Variants in LHFPL3 observed in about 807,000 individuals in gnomAD.
The protein encoded by LHFPL3 is LHFPL tetraspan subfamily member 3 protein.
LHFPL3 carries 5 observed loss-of-function variants against 19.3 expected under a neutral mutation model. The ratio of observed to expected loss-of-function variants is 0.26; its 90% CI spans 0.14 to 0.54. The LOEUF is 0.54. Ranked by LOEUF, LHFPL3 falls within the 20% of genes least tolerant of loss-of-function variation. The pLI, the probability that LHFPL3 is intolerant of heterozygous loss-of-function variation, is 0.94. For missense variants in LHFPL3, 249 were observed against 307.4 expected (o/e 0.81, Z 1.42); for synonymous variants, 133 against 126.2 (o/e 1.05, Z -0.36).
chr7:104,584,765 AAAC>A (rs1387664370), intron 1 of LHFPL3, among the ~76,000 whole-genome samples: 2 of 152,148 alleles, frequency 1.3e-5, no homozygotes, highest in Non-Finnish European at 2.9e-5. Flanking sequence ...ATAAGTCGTC[AAAC>A]TAAAAGAATC....
chr7:104,626,331 C>A (rs2115826960), intron 1 of LHFPL3, among the ~76,000 whole-genome samples: 1 of 152,278 alleles, frequency 6.6e-6, no homozygotes, highest in Non-Finnish European at 1.5e-5. Context: ...ATATCAGAGG[C>A]AGAAAGTTTA....
chr7:104,849,280 C>T (rs534776469), intron 2 of LHFPL3, among the ~76,000 whole-genome samples: 1 of 152,328 alleles, frequency 6.6e-6, no homozygotes, highest in South Asian at 2.1e-4. Context: ...GTTCTGAGAA[C>T]TACTAGAAGC....
rs138321262 is a variant in LHFPL3, at chr7:104,704,789, C to G, written c.446-31886C>G. 9.2e-5 allele frequency among the ~76,000 whole-genome samples: 14 copies of G among 152,246 alleles called. No homozygotes were observed. In the East Asian group the frequency reaches 2.5e-3, roughly 27 times the overall value. On this transcript the variant is annotated intron_variant, in intron 1 of 2. Transcript: ENST00000424859. ...TAGCTGGGACCACAAGCATGCACCACCATGCTCAGCTAATTTTTTAACTTT... is the reference window on the plus strand; with the variant it reads ...TAGCTGGGACCACAAGCATGCACCAGCATGCTCAGCTAATTTTTTAACTTT...
At chr7:104,600,688 G>A (rs1790946106) in intron 1 of LHFPL3, among the ~76,000 whole-genome samples, 1 of 152,320 alleles carries the variant, frequency 6.6e-6, no homozygotes, top group Middle Eastern at 3.4e-3. Flanking sequence ...TCGTGGCAAA[G>A]CCAAGGACAA....
chr7:104,846,622 C>T (rs1012281624), intron 2 of LHFPL3, among the ~76,000 whole-genome samples: 2 of 151,678 alleles, frequency 1.3e-5, no homozygotes, highest in African/African-American at 4.9e-5. Context: ...TGGATTAAAA[C>T]TTTATCCTCC....
intron 1 of LHFPL3, among the ~76,000 whole-genome samples, chr7:104,607,117 T>C (rs888617695): frequency 6.6e-6 from 1 of 152,202 alleles, no homozygotes; most frequent in Non-Finnish European, 1.5e-5. Context: ...CCTCTCATAA[T>C]CCTAACCTTG....
At chr7:104,601,951 A>G (rs2115699707) in intron 1 of LHFPL3, among the ~76,000 whole-genome samples, 1 of 151,508 alleles carries the variant, frequency 6.6e-6, no homozygotes, top group Middle Eastern at 3.4e-3. Flanking sequence ...TTGATGGTTG[A>G]CTTTCAAAAT....
At chr7:104,872,353 G>C (rs74609142) in intron 2 of LHFPL3, among the ~76,000 whole-genome samples, 1 of 148,026 alleles carries the variant, frequency 6.8e-6, no homozygotes, top group South Asian at 2.2e-4. Context: ...AAAAAAAAAA[G>C]TAAGACACAG....
intron 1 of LHFPL3, among the ~76,000 whole-genome samples, chr7:104,378,603 TG>T (rs1790762255): frequency 2.0e-5 from 3 of 152,358 alleles, no homozygotes; most frequent in South Asian, 4.1e-4. Flanking sequence ...ATGTTTTAAC[TG>T]TTTTCCAGAT....
intron 1 of LHFPL3, among the ~76,000 whole-genome samples, chr7:104,661,010 T>A (rs1479900184): frequency 6.6e-6 from 1 of 152,122 alleles, no homozygotes; most frequent in Non-Finnish European, 1.5e-5. Flanking sequence ...CATGGAGATG[T>A]CAAATTTCTA....
intron 2 of LHFPL3, among the ~76,000 whole-genome samples, chr7:104,865,672 T>C (rs952913415): frequency 4.6e-5 from 7 of 152,068 alleles, no homozygotes; most frequent in South Asian, 2.1e-4. Flanking sequence ...TCCAGGAGAA[T>C]TTCCCCAATT....
At chr7:104,722,828 C>T (rs546740118) in intron 1 of LHFPL3, among the ~76,000 whole-genome samples, 1 of 152,118 alleles carries the variant, frequency 6.6e-6, no homozygotes, top group Admixed American at 6.6e-5. Flanking sequence ...CACCAAGTTC[C>T]CCTTGAGTGC....
At chr7:104,684,913 C>G (rs1792776702) in intron 1 of LHFPL3, among the ~76,000 whole-genome samples, 1 of 152,184 alleles carries the variant, frequency 6.6e-6, no homozygotes, top group African/African-American at 2.4e-5. Context: ...GCACCACTTG[C>G]CCTCTTTTGA....
chr7:104,573,804 A>G (rs368634948), intron 1 of LHFPL3, among the ~76,000 whole-genome samples: 38 of 152,206 alleles, frequency 2.5e-4, no homozygotes, highest in African/African-American at 7.7e-4. Context: ...TCTGGTCGCA[A>G]TGCTTTGCTT....
intron 1 of LHFPL3, among the ~76,000 whole-genome samples, chr7:104,361,750 T>A (rs190150078): frequency 6.6e-6 from 1 of 152,306 alleles, no homozygotes; most frequent in African/African-American, 2.4e-5. Context: ...AATGTATGCT[T>A]GTAATGGGGT....
At chr7:104,533,701 C>A (rs1446112836) in intron 1 of LHFPL3, among the ~76,000 whole-genome samples, 1 of 152,188 alleles carries the variant, frequency 6.6e-6, no homozygotes, top group African/African-American at 2.4e-5. Context: ...TACTCTCAGC[C>A]TTCTGGTTAC....
chr7:104,432,711 C>T (rs1389063845), intron 1 of LHFPL3, among the ~76,000 whole-genome samples: 2 of 152,226 alleles, frequency 1.3e-5, no homozygotes, highest in African/African-American at 4.8e-5. Flanking sequence ...TAGGTTGCCT[C>T]TATCTGTCAG....
rs551732361 is a variant in LHFPL3 at position 104,833,416 on chromosome 7, A to AAT, written c.683-72754_683-72753dup. On this transcript the variant is annotated intron_variant, in intron 2 of 2. Coordinates refer to ENST00000424859, the MANE Select transcript of LHFPL3 (RefSeq NM_199000.3). ...ATATATATATTATATATATATATAT[A>AAT]ATATATATATATATATATGCTCCTC... Among the ~76,000 whole-genome samples, 4 of 6,644 alleles carry AAT rather than the reference A, an allele frequency of 6.0e-4. 1 individual carries two copies. In the East Asian group the frequency reaches 0.014, roughly 23 times the overall value. 4.4% of individuals were successfully genotyped at this position (6,644 alleles called of 152,430 possible).
chr7:104,365,803 A>AAAAAG (rs1562876018), intron 1 of LHFPL3, among the ~76,000 whole-genome samples: 1 of 149,364 alleles, frequency 6.7e-6, no homozygotes, highest in Non-Finnish European at 1.5e-5. Flanking sequence ...AAAAAAAAAA[A>AAAAAG]AAGAAAAGCC....
Sources: allele counts gnomAD v4.1 joint callset (sites outside exome capture counted in the v4.1 genomes callset), GRCh38; gene constraint gnomAD v4.1.1; transcripts MANE v1.5; gene names NCBI Gene and HGNC (gene_info 2026-07-23, HGNC 2026-07-21).